The following NEGR1 variants were observed in gnomAD, a reference collection of about 807,000 sequenced individuals.
NEGR1 encodes IgLON family member 4.
In NEGR1, 10 loss-of-function variants were observed where a neutral mutation model predicts 40.9. The ratio of observed to expected loss-of-function variants is 0.24; its 90% CI spans 0.15 to 0.42. The LOEUF (loss-of-function observed/expected upper bound fraction) is 0.42. Ranked by LOEUF, NEGR1 falls within the 10% of genes least tolerant of loss-of-function variation. The pLI is 1.00. For synonymous variants in NEGR1, 185 were observed against 166.8 expected (o/e 1.11, Z -0.84); for missense variants, 352 against 438.9 (o/e 0.80, Z 1.77).
At chr1:71,977,505 T>C (rs1646316042) in intron 1 of NEGR1, among the ~76,000 whole-genome samples, 1 of 152,084 alleles carries the variant, frequency 6.6e-6, no homozygotes, top group Admixed American at 6.6e-5. Flanking sequence ...AACGAGTGTA[T>C]CTCAACAATG....
intron 2 of NEGR1, among the ~76,000 whole-genome samples, chr1:71,828,760 G>A (rs1311989988): frequency 6.6e-6 from 1 of 151,966 alleles, no homozygotes; most frequent in African/African-American, 2.4e-5. Flanking sequence ...CTCCACAGGA[G>A]CTGCTGTTTG....
intron 3 of NEGR1, among the ~76,000 whole-genome samples, chr1:71,733,376 A>G (rs917389607): frequency 1.3e-5 from 2 of 152,198 alleles, no homozygotes; most frequent in Non-Finnish European, 2.9e-5. Flanking sequence ...ACATTCCTCC[A>G]GTAAACTTGA....
intron 1 of NEGR1, among the ~76,000 whole-genome samples, chr1:72,085,695 C>G (rs528034122): frequency 6.6e-6 from 1 of 152,038 alleles, no homozygotes; most frequent in Non-Finnish European, 1.5e-5. Flanking sequence ...TCCGGCCAGG[C>G]GCAGTGGCTC....
chr1:71,994,797 G>T (rs1046770159), intron 1 of NEGR1, among the ~76,000 whole-genome samples: 1 of 151,982 alleles, frequency 6.6e-6, no homozygotes, highest in Non-Finnish European at 1.5e-5. Flanking sequence ...ATATTACTTT[G>T]TGAACTTCCT....
rs1645930481 is a variant in NEGR1 at position 71,938,462 on chromosome 1, CTA to C, written c.177-3153_177-3152del. Reference sequence around the variant, plus strand: ...TATAAAGATTCCTTGAGAATAAGAACTATGTCTTCTTCCTCTGTACCTCCTTT... The same window carrying C: ...TATAAAGATTCCTTGAGAATAAGAACTGTCTTCTTCCTCTGTACCTCCTTT... On this transcript the variant is annotated intron_variant, in intron 1 of 6. Transcript: ENST00000357731. Among the ~76,000 whole-genome samples, 4 of 125,348 alleles carry C rather than the reference CTA, an allele frequency of 3.2e-5. No homozygotes were observed. In the South Asian group the frequency reaches 1.1e-3, roughly 34 times the overall value. The allele number at this position is 125,348 out of a possible 152,430, so 82.2% of individuals were successfully genotyped here. A position where few individuals can be genotyped will look rare whatever the true frequency, so the allele number is the denominator to read the frequency against.
At chr1:71,708,824 A>G (rs1653988478) in intron 3 of NEGR1, among the ~76,000 whole-genome samples, 1 of 152,162 alleles carries the variant, frequency 6.6e-6, no homozygotes, top group Non-Finnish European at 1.5e-5. Flanking sequence ...CCCACTTTAT[A>G]AGTGAGAACA....
At chr1:71,548,403 T>C (rs572601104) in intron 6 of NEGR1, among the ~76,000 whole-genome samples, 85 of 151,684 alleles carry the variant, frequency 5.6e-4, no homozygotes, top group Non-Finnish European at 9.7e-4. Flanking sequence ...CAAATAATTA[T>C]AATAATGGAT....
intron 6 of NEGR1, among the ~76,000 whole-genome samples, chr1:71,568,566 T>C (rs1004721266): frequency 5.3e-5 from 8 of 152,104 alleles, no homozygotes; most frequent in Admixed American, 1.3e-4. Flanking sequence ...GGTTGAGTAT[T>C]GAATTTCCAG....
intron 1 of NEGR1, among the ~76,000 whole-genome samples, chr1:72,125,567 G>A (rs1649981488): frequency 6.6e-6 from 1 of 151,872 alleles, no homozygotes; most frequent in Non-Finnish European, 1.5e-5. Flanking sequence ...AAAATACAAT[G>A]GAACTTTCAT....
chr1:71,942,178 A>C (rs2100248527), intron 1 of NEGR1, among the ~76,000 whole-genome samples: 1 of 151,234 alleles, frequency 6.6e-6, no homozygotes. Flanking sequence ...ATTTGGGATA[A>C]TATGCTTATT....
At chr1:72,122,944 C>T (rs949593249) in intron 1 of NEGR1, among the ~76,000 whole-genome samples, 2 of 151,786 alleles carry the variant, frequency 1.3e-5, no homozygotes, top group African/African-American at 2.4e-5. Flanking sequence ...AGGTTCTAGA[C>T]ATATTTTGAA....
chr1:71,741,421 C>T (rs1467336240), intron 3 of NEGR1, among the ~76,000 whole-genome samples: 1 of 152,172 alleles, frequency 6.6e-6, no homozygotes, highest in East Asian at 1.9e-4. Flanking sequence ...CAACCCAATT[C>T]TCCCATTCCT....
intron 1 of NEGR1, among the ~76,000 whole-genome samples, chr1:72,194,225 A>T (rs549905366): frequency 2.6e-5 from 4 of 151,886 alleles, no homozygotes; most frequent in Non-Finnish European, 4.4e-5. Flanking sequence ...GATAATATAT[A>T]TTATATAATA....
chr1:71,597,034 G>A (rs1369605178), intron 5 of NEGR1, among the ~76,000 whole-genome samples: 1 of 152,044 alleles, frequency 6.6e-6, no homozygotes, highest in African/African-American at 2.4e-5. Context: ...GTTAACCCTT[G>A]AATCATAAAA....
chr1:71,626,077 C>T (rs1650764548), intron 4 of NEGR1, among the ~76,000 whole-genome samples: 1 of 151,918 alleles, frequency 6.6e-6, no homozygotes, highest in Non-Finnish European at 1.5e-5. Context: ...GGAACAGTCC[C>T]ACCATCCCCT....
At chr1:71,943,139 GTATA>G (rs1266015922) in intron 1 of NEGR1, among the ~76,000 whole-genome samples, 2 of 141,942 alleles carry the variant, frequency 1.4e-5, no homozygotes, top group Non-Finnish European at 3.1e-5. Context: ...GTATGTGTGT[GTATA>G]TATATATAAA....
At chr1:72,194,642 C>T (rs933970672) in intron 1 of NEGR1, among the ~76,000 whole-genome samples, 1 of 152,022 alleles carries the variant, frequency 6.6e-6, no homozygotes, top group African/African-American at 2.4e-5. Context: ...ATGATGATAC[C>T]ATGAAAGCAT....
chr1:71,699,393 A>G (rs1653602779), intron 3 of NEGR1, among the ~76,000 whole-genome samples: 1 of 151,874 alleles, frequency 6.6e-6, no homozygotes, highest in Non-Finnish European at 1.5e-5. Context: ...TTTAGAATAT[A>G]TATGATTAAG....
intron 1 of NEGR1, among the ~76,000 whole-genome samples, chr1:72,096,298 C>T (rs1267407563): frequency 3.3e-5 from 5 of 151,902 alleles, no homozygotes; most frequent in Non-Finnish European, 5.9e-5. Flanking sequence ...CCAAAATTTG[C>T]GCAGAGAAGA....
Sources: gnomAD v4.1 joint callset for allele counts (sites outside exome capture counted in the v4.1 genomes callset) on GRCh38, gnomAD v4.1.1 for gene constraint, MANE v1.5 for transcripts, NCBI Gene and HGNC (gene_info 2026-07-23, HGNC 2026-07-21) for gene names.